NAP1L4: variants seen among roughly 807,000 people sequenced by gnomAD.
NAP1L4 encodes the protein nucleosome assembly protein 1 like 4.
A neutral mutation model predicts 58.2 loss-of-function variants in NAP1L4; 15 were observed. That is an observed-to-expected ratio of 0.26 (90% CI 0.17 to 0.40). The LOEUF (loss-of-function observed/expected upper bound fraction) is 0.40. Among genes scored for constraint, NAP1L4 ranks in the 10% least tolerant of loss-of-function variants. NAP1L4 has a pLI of 1.00. For missense variants in NAP1L4, 384 were observed against 451.1 expected (o/e 0.85, Z 1.35); for synonymous variants, 171 against 155.6 (o/e 1.10, Z -0.74).
In NAP1L4 at chr11:2,955,868, T is replaced by A. The variant is rs1846509936; in HGVS notation, c.893-102A>T. Reference sequence around the variant, plus strand: ...CTGTGCTGGTAGATAAAATGTAACATTTCTCACCTCGAGGTTTAACAGAAA... The same window carrying A: ...CTGTGCTGGTAGATAAAATGTAACAATTCTCACCTCGAGGTTTAACAGAAA... On this transcript the variant is annotated intron_variant, in intron 10 of 15. Coordinates refer to ENST00000380542, the MANE Select transcript of NAP1L4 (RefSeq NM_005969.4). The surrounding 1 kb of genome is among the most constrained non-coding windows in gnomAD (Gnocchi z 4.2). 1 of 1,070,998 alleles carries A rather than the reference T, an allele frequency of 9.3e-7. No individual in the cohort carries two copies. The highest frequency in any genetic ancestry group is 2.1e-5 in the Admixed American group (1 of 47,636). 66.3% of individuals were successfully genotyped at this position (1,070,998 alleles called of 1,614,324 possible). A position where few individuals can be genotyped will look rare whatever the true frequency, so the allele number is the denominator to read the frequency against.
chr11:2,948,364 T>C lies in NAP1L4; in HGVS notation c.*32+863A>G, dbSNP rs1158877506. On this transcript the variant is annotated intron_variant, in intron 15 of 15. Transcript: ENST00000380542. This position sits in a 1 kb window ranked among gnomAD's most constrained non-coding sequence, Gnocchi z 5.1. ...TGTGACGAGACCCTTAAAAACGGAG[T>C]GCCTACTTATCCTGGCATGCAGAGG... Among the ~76,000 whole-genome samples the C allele has an allele frequency of 1.3e-5, 2 of 152,018 alleles. No homozygotes were observed. The highest frequency in any genetic ancestry group is 2.9e-5 in the Non-Finnish European group (2 of 67,990).
Position 2,945,369 on chromosome 11 carries a change from C to A in NAP1L4, c.*310G>T. On this transcript the variant is annotated 3_prime_UTR_variant, in exon 16 of 16. Transcript: ENST00000380542. ...CCAGGGAAGTCCAGAGCTACAGGCA[C>A]CAAGGCTGCAGAGGGTGCTGGACGA... is the stretch of plus-strand genomic sequence containing the variant. 1 of 504,800 alleles carries A rather than the reference C, an allele frequency of 2.0e-6. No homozygotes were observed. The allele number at this position is 504,800 out of a possible 1,614,324, so 31.3% of individuals were successfully genotyped here. A position where few individuals can be genotyped will look rare whatever the true frequency, so the allele number is the denominator to read the frequency against.
intron 1 of NAP1L4, among the ~76,000 whole-genome samples, chr11:2,980,706 A>T (rs563633465): frequency 3.8e-4 from 58 of 152,268 alleles, no homozygotes; most frequent in Non-Finnish European, 4.7e-4. Flanking sequence ...ACTGAATCAC[A>T]TAGCTTTAGG....
At chr11:2,973,955 T>A (rs4758617) in intron 4 of NAP1L4, among the ~76,000 whole-genome samples, 67,622 of 151,360 alleles carry the variant, frequency 0.45, 16,138 homozygotes, top group African/African-American at 0.62. Flanking sequence ...TCCTGTAGAG[T>A]AGGGGTTTGA....
At chr11:2,988,766 G>A (rs1035541387) in intron 1 of NAP1L4, among the ~76,000 whole-genome samples, 5 of 152,058 alleles carry the variant, frequency 3.3e-5, no homozygotes, top group African/African-American at 1.2e-4. Flanking sequence ...CAGTTAACAG[G>A]GGATACTTGT....
In NAP1L4 at chr11:2,979,995, G is replaced by A. The variant is rs542768179; in HGVS notation, c.-17-758C>T. Among the ~76,000 whole-genome samples, 8 of 151,958 alleles carry A rather than the reference G, an allele frequency of 5.3e-5. 1 individual carries two copies. The South Asian group carries it at 1.0e-3, about 20-fold the overall frequency. ...TTTTCTAATTGCATTTGTTTATTCC[G>A]TATCTTCCATTACTTCTACACTGAG... On this transcript the variant is annotated intron_variant, in intron 1 of 15. Transcript: ENST00000380542.
chr11:2,956,513 T>C (rs774529390), intron 10 of NAP1L4, among the ~76,000 whole-genome samples: 12 of 152,218 alleles, frequency 7.9e-5, no homozygotes, highest in Non-Finnish European at 1.5e-4. Context: ...TGGGCTCTCC[T>C]CTCTGAGTCT....
In NAP1L4 at chr11:2,969,902, T is replaced by C. The variant is rs201407671; in HGVS notation, c.435A>G (p.Glu145=). 1.9e-6 allele frequency: 3 copies of C among 1,613,728 alleles called. No individual in the cohort carries two copies. Among genetic ancestry groups the C allele is most frequent in the Non-Finnish European group, 2.5e-6 (3 of 1,179,762 alleles). The change falls in exon 7 of 16, where the codon GAA becomes GAG. Residue 145 remains glutamate (E), a synonymous_variant. Transcript: ENST00000380542. ...GDMKSKVVVT[E]KAAATAEEPD... is the part of the protein sequence containing the mutation. Reference sequence around the variant, plus strand: ...GCTCTTCAGCCGTTGCCGCTGCTTTTTCTGTGACGACTACTTTACTTTTCA... The same window carrying C: ...GCTCTTCAGCCGTTGCCGCTGCTTTCTCTGTGACGACTACTTTACTTTTCA...
Position 2,966,994 on chromosome 11 carries a change from T to G in NAP1L4, c.535-2243A>C, listed in dbSNP as rs112752987. On this transcript the variant is annotated intron_variant, in intron 7 of 15. Coordinates refer to ENST00000380542, the MANE Select transcript of NAP1L4 (RefSeq NM_005969.4). ...AGGCACAACACTGGAGGCATCGCAC[T>G]CAGATCGTAAAGCCACCATCTCAAA... Among the ~76,000 whole-genome samples the G allele has an allele frequency of 3.1e-3, 466 of 152,340 alleles. 1 individual carries two copies. Among genetic ancestry groups the G allele is most frequent in the Non-Finnish European group, 5.1e-3 (345 of 68,026 alleles).
rs563709540 is a variant in NAP1L4, at chr11:2,982,505, A to G, written c.-17-3268T>C. Among the ~76,000 whole-genome samples the G allele has an allele frequency of 2.6e-5, 4 of 152,352 alleles. No individual in the cohort carries two copies. The South Asian group carries it at 8.3e-4, about 32-fold the overall frequency. On this transcript the variant is annotated intron_variant, in intron 1 of 15. Transcript: ENST00000380542. The stretch of plus-strand genomic sequence containing the variant: ...CCTCCTATACTAGCAAGGGACCTAC[A>G]TGTCAGGCACTTCATACATTTAATA...
chr11:2,982,691 C>T (rs1848398181), intron 1 of NAP1L4, among the ~76,000 whole-genome samples: 1 of 152,216 alleles, frequency 6.6e-6, no homozygotes, highest in Non-Finnish European at 1.5e-5. Context: ...ACCAACACCA[C>T]TTCACTTCTG....
Position 2,946,969 on chromosome 11 carries a change from G to A in NAP1L4, c.*33-1323C>T, listed in dbSNP as rs532743278. ...GCAGTGTGCCTCCACCAAGGGACTC[G>A]CCTAGAAAATGGGATGTCAGTAAAG... On this transcript the variant is annotated intron_variant, in intron 15 of 15. Coordinates refer to ENST00000380542, the MANE Select transcript of NAP1L4 (RefSeq NM_005969.4). This position sits in a 1 kb window ranked among gnomAD's most constrained non-coding sequence, Gnocchi z 4.8. Among the ~76,000 whole-genome samples, 15 of 152,172 alleles carry A rather than the reference G, an allele frequency of 9.9e-5. No homozygotes were observed. Among genetic ancestry groups the A allele is most frequent in the South Asian group, 2.1e-4 (1 of 4,828 alleles).
chr11:2,979,317 C>T, intron 1 of NAP1L4, 80 bp from the exon 2 acceptor site: 1 of 1,223,272 alleles, frequency 8.2e-7, no homozygotes, highest in Non-Finnish European at 1.2e-6. Flanking sequence ...CAACGGTTAT[C>T]TGTGGGATGG....
At chr11:2,969,656 C>T (rs1847516573) in intron 7 of NAP1L4, 147 bp downstream of exon 7, 3 of 735,376 alleles carry the variant, frequency 4.1e-6, no homozygotes, top group African/African-American at 1.8e-5. Context: ...ATCAGGACTG[C>T]TCATCTGAGG....
At chr11:2,961,870 CCTTTT>C (rs1846940368) in intron 8 of NAP1L4, among the ~76,000 whole-genome samples, 1 of 152,008 alleles carries the variant, frequency 6.6e-6, no homozygotes, top group Non-Finnish European at 1.5e-5. Context: ...TTCCTATTTT[CCTTTT>C]TTCTCTCCCC....
At chr11:2,962,931 C>T (rs1022635130) in intron 8 of NAP1L4, among the ~76,000 whole-genome samples, 1 of 151,580 alleles carries the variant, frequency 6.6e-6, no homozygotes, top group Non-Finnish European at 1.5e-5. Context: ...GAAACCACGT[C>T]TCTACTAAAA....
In NAP1L4 at chr11:2,955,261, A is replaced by G. The variant is rs1479395906; in HGVS notation, c.915+483T>C. 2.6e-5 allele frequency among the ~76,000 whole-genome samples: 4 copies of G among 152,132 alleles called. No homozygotes were observed. In the East Asian group the frequency reaches 7.7e-4, roughly 29 times the overall value. Reference sequence around the variant, plus strand: ...TCGCCCAATGGAATACGGTGGTGCAATCTCAGCTCACTGCAACCTCCTCCT... The same window carrying G: ...TCGCCCAATGGAATACGGTGGTGCAGTCTCAGCTCACTGCAACCTCCTCCT... On this transcript the variant is annotated intron_variant, in intron 11 of 15. Transcript: ENST00000380542. This position sits in a 1 kb window ranked among gnomAD's most constrained non-coding sequence, Gnocchi z 4.2.
rs1428943512 is a variant in NAP1L4, at chr11:2,951,154, GA to G, written c.1122+104del. On this transcript the variant is annotated intron_variant, in intron 14 of 15. Transcript: ENST00000380542. This position sits in a 1 kb window ranked among gnomAD's most constrained non-coding sequence, Gnocchi z 4.0. ...ACACATTTTAAACTTTCTAATTAGG[GA>G]ATAATGAATATTGTTAACACTACTG... 4 of 839,910 alleles carry G rather than the reference GA, an allele frequency of 4.8e-6. No homozygotes were observed. The East Asian group carries it at 7.4e-5, about 16-fold the overall frequency. The allele number at this position is 839,910 out of a possible 1,614,324, so 52.0% of individuals were successfully genotyped here.
intron 1 of NAP1L4, among the ~76,000 whole-genome samples, chr11:2,987,299 TTTGTTG>T (rs894506338): frequency 6.6e-6 from 1 of 151,836 alleles, no homozygotes; most frequent in Non-Finnish European, 1.5e-5. Flanking sequence ...TTCTGGGTTT[TTTGTTG>T]TTGTTGTTGT....
Sources: gnomAD v4.1 joint callset for allele counts (sites outside exome capture counted in the v4.1 genomes callset) on GRCh38, gnomAD v4.1.1 for gene constraint, Gnocchi (gnomAD v3.1) non-coding constraint, MANE v1.5 for transcripts, NCBI Gene and HGNC (gene_info 2026-07-23, HGNC 2026-07-21) for gene names.